Variants in IPO8 observed in about 807,000 individuals in gnomAD.
The protein encoded by IPO8 is importin 8.
Under a neutral mutation model 141.2 loss-of-function variants are expected in IPO8, and 65 were observed. The observed-to-expected ratio is 0.46, with a 90% CI of 0.38 to 0.57. IPO8 has a LOEUF of 0.57. Among genes scored for constraint, IPO8 ranks in the 20% least tolerant of loss-of-function variants. IPO8 has a pLI of 0.00. For synonymous variants in IPO8, 411 were observed against 420.3 expected (o/e 0.98, Z 0.27); for missense variants, 980 against 1,246.8 (o/e 0.79, Z 3.22).
intron 2 of IPO8, among the ~76,000 whole-genome samples, chr12:30,689,815 A>T (rs1217058335): frequency 6.6e-6 from 1 of 152,240 alleles, no homozygotes; most frequent in Non-Finnish European, 1.5e-5. Flanking sequence ...TTACATGTAT[A>T]TGTCACTTAC....
Position 30,649,182 on chromosome 12 carries a change from A to C in IPO8, c.2223T>G (p.Leu741=). The change falls in exon 20 of 25, where the codon CTT becomes CTG. Residue 741 remains leucine, a synonymous_variant. Transcript: ENST00000256079. The part of the protein sequence containing the change: ...GEDAECHAAK[L]LEVIILQCKG... Reference sequence around the variant, plus strand: ...TGCACTGAAGAATGATGACTTCCAGAAGTTTAGCTGCATGACACTCTGCAT... The same window carrying C: ...TGCACTGAAGAATGATGACTTCCAGCAGTTTAGCTGCATGACACTCTGCAT... 6.2e-7 allele frequency: 1 copy of C among 1,613,396 alleles called. No individual in the cohort carries two copies. The highest frequency in any genetic ancestry group is 8.5e-7 in the Non-Finnish European group (1 of 1,179,480).
intron 20 of IPO8, among the ~76,000 whole-genome samples, chr12:30,642,769 C>T (rs1452987707): frequency 6.6e-6 from 1 of 151,966 alleles, no homozygotes. Flanking sequence ...GACGAGACAT[C>T]TATAAGATAA....
At chr12:30,664,339 T>C (rs2052931554) in intron 13 of IPO8, among the ~76,000 whole-genome samples, 1 of 152,242 alleles carries the variant, frequency 6.6e-6, no homozygotes, top group South Asian at 2.1e-4. Flanking sequence ...TATAAAATGC[T>C]TTCTAGTGTA....
chr12:30,689,300 C>T (rs888225386), intron 2 of IPO8, among the ~76,000 whole-genome samples: 2 of 151,986 alleles, frequency 1.3e-5, no homozygotes, highest in African/African-American at 2.4e-5. Flanking sequence ...TTCTTAAATG[C>T]TTCATAGGAA....
intron 19 of IPO8, among the ~76,000 whole-genome samples, chr12:30,651,693 T>C (rs2052728620): frequency 6.6e-6 from 1 of 152,186 alleles, no homozygotes; most frequent in Non-Finnish European, 1.5e-5. Context: ...AAAGACAATA[T>C]GGCAGACAAT....
At chr12:30,694,951 A>AT (rs1368412947) in intron 1 of IPO8, 2 of 455,640 alleles carry the variant, frequency 4.4e-6, no homozygotes, top group African/African-American at 2.0e-5. Flanking sequence ...TTTAGCATTC[A>AT]TAAGAAATTT....
Position 30,634,259 on chromosome 12 carries a change from G to T in IPO8, c.2723C>A (p.Thr908Lys). Residue 908 changes from threonine (T) to lysine (K), a missense_variant, in exon 23 of 25, where the codon ACA becomes AAA. This residue lies in a region of IPO8 where 924 missense variants were observed against 1,153.9 expected (regional missense o/e 0.80). Coordinates refer to ENST00000256079, the MANE Select transcript of IPO8 (RefSeq NM_006390.4). ...CTGCATTGCTTGAGCAGTTACATTT[G>T]TCTCCTCTTCATCACTTGAAATCTC... is the stretch of plus-strand genomic sequence containing the variant. ...NEEISSDEEE[T>K]NVTAQAMQSN... 1 of 1,613,492 alleles carries T rather than the reference G, an allele frequency of 6.2e-7. No individual in the cohort carries two copies. The highest frequency in any genetic ancestry group is 8.5e-7 in the Non-Finnish European group (1 of 1,179,654).
intron 4 of IPO8, 135 bp downstream of exon 4, chr12:30,681,523 TA>T (rs961155600): frequency 1.4e-6 from 1 of 721,180 alleles, no homozygotes; most frequent in Admixed American, 3.1e-5. Flanking sequence ...TAAACACATT[TA>T]AGCATGTTTA....
intron 20 of IPO8, among the ~76,000 whole-genome samples, chr12:30,648,853 C>T (rs2052684684): frequency 6.6e-6 from 1 of 152,002 alleles, no homozygotes; most frequent in Non-Finnish European, 1.5e-5. Context: ...AACATGAAAT[C>T]TCTGAGACTC....
Position 30,666,269 on chromosome 12 carries a change from TA to T in IPO8, c.1145-19del, listed in dbSNP as rs759280836. On this transcript the variant is annotated intron_variant, in intron 10 of 24. Transcript: ENST00000256079. ...AAAAATATCTAAGATTTTAAAAGGT[TA>T]AAACCATGTTAGTGAAAATATAATT... 3.3e-6 allele frequency: 5 copies of T among 1,510,532 alleles called. No homozygotes were observed. The African/African-American group carries it at 7.0e-5, about 21-fold the overall frequency. The allele number at this position is 1,510,532 out of a possible 1,614,324, so 93.6% of individuals were successfully genotyped here. A position where few individuals can be genotyped will look rare whatever the true frequency, so the allele number is the denominator to read the frequency against.
chr12:30,673,856 A>G, intron 8 of IPO8, 134 bp downstream of exon 8: 1 of 529,162 alleles, frequency 1.9e-6, no homozygotes, highest in Non-Finnish European at 3.4e-6. Flanking sequence ...ACTGTAATAC[A>G]TTCCCAGAAC....
chr12:30,665,943 TA>T, intron 11 of IPO8, 98 bp from the exon 12 acceptor site: 1 of 796,960 alleles, frequency 1.3e-6, no homozygotes, highest in South Asian at 1.9e-5. Context: ...AAAGCCATTT[TA>T]TTATGTTTTA....
At chr12:30,661,575 G>C (rs2052888021) in intron 15 of IPO8, among the ~76,000 whole-genome samples, 1 of 145,538 alleles carries the variant, frequency 6.9e-6, no homozygotes, top group Non-Finnish European at 1.5e-5. Flanking sequence ...TGCAATAGAA[G>C]ATTGAGAAGT....
chr12:30,632,577 C>T (rs915552348), intron 23 of IPO8, among the ~76,000 whole-genome samples: 3 of 152,196 alleles, frequency 2.0e-5, no homozygotes, highest in African/African-American at 7.2e-5. Context: ...CATCCCTGAG[C>T]ATGCCCTCTC....
Position 30,637,050 on chromosome 12 carries a change from C to G in IPO8, c.2627G>C (p.Cys876Ser). ...CCGGTTTACCAGTTGTCTAGTAGCA[C>G]AGACCTGCTTTAGGCCAAGGAAAAG... ...LFLFLGLKQV[C>S]ATRQLVNRED... is the part of the protein sequence containing the mutation. Residue 876 changes from cysteine to serine, a missense_variant, in exon 22 of 25, where the codon TGT becomes TCT. By Grantham distance (112) the Cys-to-Ser change is moderately radical (BLOSUM62 -1). Transcript: ENST00000256079. 1 of 1,614,058 alleles carries G rather than the reference C, an allele frequency of 6.2e-7. No individual in the cohort carries two copies. Among genetic ancestry groups the G allele is most frequent in the African/African-American group, 1.3e-5 (1 of 75,042 alleles).
intron 20 of IPO8, among the ~76,000 whole-genome samples, chr12:30,644,119 G>C (rs7310875): frequency 0.56 from 84,947 of 152,068 alleles, 24,654 homozygotes; most frequent in African/African-American, 0.71. Flanking sequence ...TGTAATCCCA[G>C]AACTTTGGGA....
rs2053328977 is a variant in IPO8 at position 30,695,404 on chromosome 12, C to G, written c.84+160G>C. 6.6e-6 allele frequency among the ~76,000 whole-genome samples: 1 copy of G among 152,192 alleles called. No individual in the cohort carries two copies. Among genetic ancestry groups the G allele is most frequent in the Non-Finnish European group, 1.5e-5 (1 of 68,028 alleles). ...CAAAGATCCTGGGAGCCCTGCTCCACTGGACCGGGGGGCAGCGGGGTCGGA... is the reference window on the plus strand; with the variant it reads ...CAAAGATCCTGGGAGCCCTGCTCCAGTGGACCGGGGGGCAGCGGGGTCGGA... On this transcript the variant is annotated intron_variant, in intron 1 of 24. Coordinates refer to ENST00000256079, the MANE Select transcript of IPO8 (RefSeq NM_006390.4). The surrounding 1 kb of genome is among the most constrained non-coding windows in gnomAD (Gnocchi z 4.2).
At chr12:30,689,071 T>C (rs2053268186) in intron 2 of IPO8, among the ~76,000 whole-genome samples, 1 of 152,000 alleles carries the variant, frequency 6.6e-6, no homozygotes, top group South Asian at 2.1e-4. Context: ...CTTGGAGCAA[T>C]CTTCAAGGGT....
Position 30,682,567 on chromosome 12 carries a change from A to G in IPO8, c.324-750T>C, listed in dbSNP as rs891215483. ...ACATAGATAAGTAATCATTTCCTCAATGAGATTTCAACTTTAACTGGAACT... is the reference window on the plus strand; with the variant it reads ...ACATAGATAAGTAATCATTTCCTCAGTGAGATTTCAACTTTAACTGGAACT... On this transcript the variant is annotated intron_variant, in intron 3 of 24. Coordinates refer to ENST00000256079, the MANE Select transcript of IPO8 (RefSeq NM_006390.4). 1.6e-4 allele frequency among the ~76,000 whole-genome samples: 25 copies of G among 152,180 alleles called. 1 individual carries two copies. The highest frequency in any genetic ancestry group is 1.4e-3 in the Admixed American group (21 of 15,268).
Sources: gnomAD v4.1 joint callset for allele counts (sites outside exome capture counted in the v4.1 genomes callset) on GRCh38, gnomAD v4.1.1 for gene constraint, gnomAD v4.1.1 regional missense constraint, Gnocchi (gnomAD v3.1) non-coding constraint, MANE v1.5 for transcripts, NCBI Gene and HGNC (gene_info 2026-07-23, HGNC 2026-07-21) for gene names.